The following TLCD4 variants were observed in gnomAD, a reference collection of about 807,000 sequenced individuals.
TLCD4 encodes the protein TLC domain-containing protein 4.
Under a neutral mutation model 24.2 loss-of-function variants are expected in TLCD4, and 7 were observed. That is an observed-to-expected ratio of 0.29 (90% CI 0.16 to 0.54). The LOEUF is 0.54. Among genes scored for constraint, TLCD4 ranks in the 20% least tolerant of loss-of-function variants. The probability of loss-of-function intolerance (pLI) is 0.95; values close to 1 mark genes in which losing one functional copy is unlikely to be tolerated. For synonymous variants in TLCD4, 103 were observed against 106.4 expected, an observed-to-expected ratio of 0.97 and a Z score of 0.20; for missense variants, 259 against 313.9, an observed-to-expected ratio of 0.82 and a Z score of 1.32.
chr1:95,106,579 G>A, the TLCD4 span, among the ~76,000 whole-genome samples: 444 of 152,204 alleles, frequency 2.9e-3, 1 homozygote, highest in African/African-American at 0.01. Context: ...TGTGGTCCAA[G>A]CTACTCAGGA....
At chr1:95,117,153 C>T (rs1218621985), upstream of TLCD4, among the ~76,000 whole-genome samples, 2 of 152,242 alleles carry the variant, frequency 1.3e-5, no homozygotes, top group African/African-American at 2.4e-5. Context: ...CCGGGAATTG[C>T]ACCCTCTGCC....
At chr1:95,190,897 T>C (rs1679005550) in intron 6 of TLCD4, among the ~76,000 whole-genome samples, 1 of 152,214 alleles carries the variant, frequency 6.6e-6, no homozygotes, top group South Asian at 2.1e-4. Context: ...CATACATGTA[T>C]ATTTTAAATA....
chr1:95,100,039 C>T, the TLCD4 span, among the ~76,000 whole-genome samples: 3 of 151,676 alleles, frequency 2.0e-5, no homozygotes, highest in Non-Finnish European at 4.4e-5. Context: ...ACTTGGGAGG[C>T]TGAGGTGGGA....
chr1:95,152,183 G>A (rs1677512792), intron 5 of TLCD4, among the ~76,000 whole-genome samples: 2 of 152,020 alleles, frequency 1.3e-5, no homozygotes, highest in Non-Finnish European at 2.9e-5. Flanking sequence ...GGAAAAGTTA[G>A]ATGAAATGAT....
At chr1:95,146,093 C>A (rs1054501923) in intron 2 of TLCD4, among the ~76,000 whole-genome samples, 1 of 150,816 alleles carries the variant, frequency 6.6e-6, no homozygotes, top group Non-Finnish European at 1.5e-5. Flanking sequence ...GGTAAACACA[C>A]ATAATTCTTT....
chr1:95,152,085 A>G (rs1423283644), intron 5 of TLCD4, among the ~76,000 whole-genome samples: 1 of 152,056 alleles, frequency 6.6e-6, no homozygotes, highest in Non-Finnish European at 1.5e-5. Flanking sequence ...TTTCATAAAG[A>G]TGGTTGCTTT....
the TLCD4 span, among the ~76,000 whole-genome samples, chr1:95,107,279 C>T: frequency 6.6e-5 from 10 of 152,122 alleles, no homozygotes; most frequent in Non-Finnish European, 1.2e-4. Flanking sequence ...AAAAATTAGC[C>T]GGGCGTGGTG....
chr1:95,183,957 T>G (rs1678740796), intron 6 of TLCD4, among the ~76,000 whole-genome samples: 2 of 152,146 alleles, frequency 1.3e-5, no homozygotes, highest in Non-Finnish European at 2.9e-5. Flanking sequence ...CAAAATAATA[T>G]GAAGCTGGAG....
chr1:95,157,982 C>A (rs1677678809), intron 5 of TLCD4, among the ~76,000 whole-genome samples: 1 of 152,108 alleles, frequency 6.6e-6, no homozygotes, highest in Non-Finnish European at 1.5e-5. Context: ...CAGACACTAT[C>A]CGTATCTTGA....
chr1:95,141,792 TACACACACACACACACACACAC>T (rs3075917), intron 1 of TLCD4, among the ~76,000 whole-genome samples: 1 of 138,596 alleles, frequency 7.2e-6, no homozygotes, highest in Non-Finnish European at 1.6e-5. Context: ...TTTTACCAAG[TACACACACACACACACACACAC>T]ACACACACAC....
intron 5 of TLCD4, among the ~76,000 whole-genome samples, chr1:95,172,685 A>G (rs1242148581): frequency 6.6e-6 from 1 of 152,232 alleles, no homozygotes; most frequent in African/African-American, 2.4e-5. Context: ...AATCCCTAAA[A>G]TAATTTTCAC....
At chr1:95,180,182 A>G (rs147351111) in intron 6 of TLCD4, among the ~76,000 whole-genome samples, 103 of 152,334 alleles carry the variant, frequency 6.8e-4, no homozygotes, top group African/African-American at 1.9e-3. Flanking sequence ...TCTCTTGAAT[A>G]TGATTCTGAT....
In TLCD4 at chr1:95,158,135, C is replaced by CT. The variant is rs532776074; in HGVS notation, c.399+6719dup. Among the ~76,000 whole-genome samples, 810 of 151,432 alleles carry CT rather than the reference C, an allele frequency of 5.3e-3. 3 individuals are homozygous for CT. Among genetic ancestry groups the CT allele is most frequent in the South Asian group, 9.8e-3 (47 of 4,802 alleles). ...AGTTGTCACTCAGTTCCTTTTAAAA[C>CT]TTTAAGTATTCTTATTTCTGGTCCT... is the stretch of plus-strand genomic sequence containing the variant. On this transcript the variant is annotated intron_variant, in intron 5 of 6. Coordinates refer to ENST00000370203, the MANE Select transcript of TLCD4 (RefSeq NM_152487.3).
chr1:95,144,479 G>A (rs532453542), intron 2 of TLCD4, among the ~76,000 whole-genome samples: 61 of 152,192 alleles, frequency 4.0e-4, no homozygotes, highest in South Asian at 1.5e-3. Context: ...TACACATCAG[G>A]GAACAAAGTG....
chr1:95,153,234 A>G (rs1016353871), intron 5 of TLCD4, among the ~76,000 whole-genome samples: 2 of 152,056 alleles, frequency 1.3e-5, no homozygotes, highest in African/African-American at 4.8e-5. Flanking sequence ...TGATGGTTGT[A>G]TAACAAAATG....
chr1:95,175,001 CCT>C (rs1361924905), intron 6 of TLCD4, among the ~76,000 whole-genome samples: 1 of 152,170 alleles, frequency 6.6e-6, no homozygotes, highest in Non-Finnish European at 1.5e-5. Context: ...GTCTCAAACT[CCT>C]GACCTCAATT....
chr1:95,168,602 A>C (rs1678101770), intron 5 of TLCD4, among the ~76,000 whole-genome samples: 1 of 111,104 alleles, frequency 9.0e-6, no homozygotes, highest in African/African-American at 3.5e-5. Flanking sequence ...GGGTCTCACT[A>C]ATGTTGCCTT....
At chr1:95,103,921 A>G in the TLCD4 span, among the ~76,000 whole-genome samples, 1 of 152,226 alleles carries the variant, frequency 6.6e-6, no homozygotes, top group African/African-American at 2.4e-5. Context: ...ATACATTAAG[A>G]GGATGACTTT....
chr1:95,188,389 G>GA (rs60956010), intron 6 of TLCD4, among the ~76,000 whole-genome samples: 39,814 of 104,446 alleles, frequency 0.38, 7,721 homozygotes, highest in East Asian at 0.43. Flanking sequence ...CTCCGTCTCA[G>GA]AAAAAAAAAA....
Sources: allele counts gnomAD v4.1 joint callset (sites outside exome capture counted in the v4.1 genomes callset), GRCh38; gene constraint gnomAD v4.1.1; transcripts MANE v1.5; gene names NCBI Gene and HGNC (gene_info 2026-07-23, HGNC 2026-07-21).